AGO4: variants seen among roughly 807,000 people sequenced by gnomAD.
AGO4 encodes argonaute RISC component 4.
AGO4 carries 33 observed loss-of-function variants against 104.7 expected under a neutral mutation model. That is an observed-to-expected ratio of 0.32 (90% CI 0.24 to 0.42). The LOEUF (loss-of-function observed/expected upper bound fraction) is 0.42, where lower values mean the gene tolerates loss of function less well. AGO4 is among the 10% of genes least tolerant of loss of function. AGO4 has a pLI of 1.00. For missense variants in AGO4, 711 were observed against 1,083.4 expected, an observed-to-expected ratio of 0.66 and a Z score of 4.83; for synonymous variants, 331 against 364.7, an observed-to-expected ratio of 0.91 and a Z score of 1.05.
intron 2 of AGO4, among the ~76,000 whole-genome samples, chr1:35,821,887 A>G (rs575085708): frequency 1.1e-4 from 16 of 151,520 alleles, no homozygotes; most frequent in African/African-American, 3.6e-4. Flanking sequence ...ATATACTTGA[A>G]TAAGGATTTT....
At position 35,835,744 on chromosome 1, in the gene AGO4, A is replaced by G. The variant is rs1332637933; in HGVS notation, c.1565-90A>G. 6.2e-6 allele frequency: 7 copies of G among 1,129,608 alleles called. No individual in the cohort carries two copies. The East Asian group carries it at 7.7e-5, about 12-fold the overall frequency. The allele number at this position is 1,129,608 out of a possible 1,614,324, so 70.0% of individuals were successfully genotyped here. A position where few individuals can be genotyped will look rare whatever the true frequency, so the allele number is the denominator to read the frequency against. On this transcript the variant is annotated intron_variant, in intron 12 of 17. Transcript: ENST00000373210. ...CACAGTGTACAGTATATAGTAGGTT[A>G]TAAAGTTAATGTGTGGGGTTTTTTT... is the stretch of plus-strand genomic sequence containing the variant.
At chr1:35,850,381 A>C in intron 16 of AGO4, 123 bp downstream of exon 16, 1 of 803,448 alleles carries the variant, frequency 1.2e-6, no homozygotes, top group Non-Finnish European at 2.2e-6. Flanking sequence ...GTATCCTAGA[A>C]TTATCTTTTG....
chr1:35,815,330 T>C (rs1643656785), intron 1 of AGO4, among the ~76,000 whole-genome samples: 1 of 152,236 alleles, frequency 6.6e-6, no homozygotes, highest in Non-Finnish European at 1.5e-5. Flanking sequence ...GATGTTCATT[T>C]TTTAGGCCAG....
intron 17 of AGO4, among the ~76,000 whole-genome samples, chr1:35,853,267 A>AG (rs1459744024): frequency 6.6e-6 from 1 of 151,796 alleles, no homozygotes; most frequent in African/African-American, 2.4e-5. Context: ...AAAAAAAAAA[A>AG]AGAAATTCAG....
At chr1:35,813,526 G>A (rs1643577844) in intron 1 of AGO4, among the ~76,000 whole-genome samples, 1 of 152,094 alleles carries the variant, frequency 6.6e-6, no homozygotes, top group Non-Finnish European at 1.5e-5. Flanking sequence ...GGAGGCCTAG[G>A]TGGGCAGATT....
rs1643409018 is a variant in AGO4 at position 35,808,993 on chromosome 1, C to G, written c.19+558C>G. ...CACCCTTTCTGAAAGGCCCTGATGT[C>G]CCAAAGAACATGGTCCTGTGCCTCT... On this transcript the variant is annotated intron_variant, in intron 1 of 17. Coordinates refer to ENST00000373210, the MANE Select transcript of AGO4 (RefSeq NM_017629.4). This position sits in a 1 kb window ranked among gnomAD's most constrained non-coding sequence, Gnocchi z 5.2. Among the ~76,000 whole-genome samples, 1 of 152,188 alleles carries G rather than the reference C, an allele frequency of 6.6e-6. No homozygotes were observed. Among genetic ancestry groups the G allele is most frequent in the South Asian group, 2.1e-4 (1 of 4,834 alleles).
At chr1:35,825,846 C>G in intron 5 of AGO4, 31 bp downstream of exon 5, 4 of 1,593,104 alleles carry the variant, frequency 2.5e-6, no homozygotes, top group Non-Finnish European at 3.4e-6. Flanking sequence ...TCCAATAACT[C>G]TTTGGGCTGG....
Position 35,826,064 on chromosome 1 carries a change from A to T in AGO4, c.760+4A>T, listed in dbSNP as rs1327842997. Reference sequence around the variant, plus strand: ...AAATTTACCAAAGAAATCAGAGGTAAGTGTTTGCATTAATGTAGTCTTGGA... The same window carrying T: ...AAATTTACCAAAGAAATCAGAGGTATGTGTTTGCATTAATGTAGTCTTGGA... On this transcript the variant is annotated splice_donor_region_variant and intron_variant, in intron 6 of 17. Coordinates refer to ENST00000373210, the MANE Select transcript of AGO4 (RefSeq NM_017629.4). 2 of 1,613,862 alleles carry T rather than the reference A, an allele frequency of 1.2e-6. No individual in the cohort carries two copies.
At chr1:35,811,484 A>G (rs1300548794) in intron 1 of AGO4, among the ~76,000 whole-genome samples, 1 of 151,922 alleles carries the variant, frequency 6.6e-6, no homozygotes, top group Non-Finnish European at 1.5e-5. Flanking sequence ...AAAAAAAACA[A>G]AAACCAACCA....
intron 1 of AGO4, among the ~76,000 whole-genome samples, chr1:35,814,410 C>T (rs559537672): frequency 1.3e-5 from 2 of 151,682 alleles, no homozygotes; most frequent in South Asian, 4.2e-4. Flanking sequence ...CACCCATTAA[C>T]TCATCATTTA....
At position 35,809,927 on chromosome 1, in the gene AGO4, C is replaced by A. The variant is rs568875453; in HGVS notation, c.19+1492C>A. Among the ~76,000 whole-genome samples, 54 of 152,244 alleles carry A rather than the reference C, an allele frequency of 3.5e-4. No individual in the cohort carries two copies. In the Middle Eastern group the frequency reaches 0.01, roughly 29 times the overall value. On this transcript the variant is annotated intron_variant, in intron 1 of 17. Transcript: ENST00000373210. The stretch of plus-strand genomic sequence containing the variant: ...TAATTCATAATTGAAACAACTGTTG[C>A]ATTTATGATCTGATATCGAAAGAAA...
chr1:35,811,473 A>C (rs2148645941), intron 1 of AGO4, among the ~76,000 whole-genome samples: 1 of 151,696 alleles, frequency 6.6e-6, no homozygotes, highest in African/African-American at 2.4e-5. Context: ...AAAAAAACAA[A>C]AAAAAAAACA....
At chr1:35,829,246 T>C (rs1644116635) in intron 7 of AGO4, among the ~76,000 whole-genome samples, 1 of 151,994 alleles carries the variant, frequency 6.6e-6, no homozygotes, top group African/African-American at 2.4e-5. Flanking sequence ...TACATGAATT[T>C]CTTAAGAGTG....
intron 2 of AGO4, among the ~76,000 whole-genome samples, chr1:35,820,464 T>A (rs1643868504): frequency 6.6e-6 from 1 of 152,090 alleles, no homozygotes; most frequent in African/African-American, 2.4e-5. Flanking sequence ...TTCAACTGAT[T>A]CCCTTGCCTC....
chr1:35,812,375 A>G (rs1010644269), intron 1 of AGO4, among the ~76,000 whole-genome samples: 5 of 152,114 alleles, frequency 3.3e-5, no homozygotes, highest in Non-Finnish European at 5.9e-5. Context: ...TTTTCTTTCA[A>G]TTCTTCTGCC....
At chr1:35,815,551 T>G (rs1401106840) in intron 1 of AGO4, among the ~76,000 whole-genome samples, 1 of 152,198 alleles carries the variant, frequency 6.6e-6, no homozygotes, top group East Asian at 1.9e-4. Flanking sequence ...TTTAGATAAT[T>G]TAATATGATA....
rs533760857 is a variant in AGO4, at chr1:35,817,029, G to A, written c.167G>A (p.Arg56Gln). ...GATGTGGATATTAAGCCTGAAAAAC[G>A]GCCTCGTAGAGTCAACAGGTAAGGA... is the stretch of plus-strand genomic sequence containing the variant. ...HYDVDIKPEK[R>Q]PRRVNREVVD... Residue 56 changes from arginine to glutamine, a missense_variant, in exon 2 of 18, where the codon CGG becomes CAG. Arg to Gln is a conservative substitution (Grantham distance 43). Coordinates refer to ENST00000373210, the MANE Select transcript of AGO4 (RefSeq NM_017629.4). 1.1e-5 allele frequency: 18 copies of A among 1,607,758 alleles called. No homozygotes were observed. In the Admixed American group the frequency reaches 1.7e-4, roughly 15 times the overall value.
rs1192670805 is a variant in AGO4 at position 35,854,254 on chromosome 1, T to C, written c.*649T>C. On this transcript the variant is annotated 3_prime_UTR_variant, in exon 18 of 18. Coordinates refer to ENST00000373210, the MANE Select transcript of AGO4 (RefSeq NM_017629.4). ...CACTATATTTGGCTGCAGATTCAAATAGGCAGTTCTCTTATTTGGTCGACT... is the reference window on the plus strand; with the variant it reads ...CACTATATTTGGCTGCAGATTCAAACAGGCAGTTCTCTTATTTGGTCGACT... The C allele has an allele frequency of 6.6e-6, 1 of 152,666 alleles. No individual in the cohort carries two copies. The highest frequency in any genetic ancestry group is 2.4e-5 in the African/African-American group (1 of 41,460). 9.5% of individuals were successfully genotyped at this position (152,666 alleles called of 1,614,324 possible). A position where few individuals can be genotyped will look rare whatever the true frequency, so the allele number is the denominator to read the frequency against.
intron 15 of AGO4, among the ~76,000 whole-genome samples, chr1:35,843,060 T>C (rs1295872443): frequency 6.6e-6 from 1 of 152,122 alleles, no homozygotes; most frequent in Admixed American, 6.6e-5. Context: ...GAGGATGAAC[T>C]GTTTCTTTTT....
Sources: allele counts gnomAD v4.1 joint callset (sites outside exome capture counted in the v4.1 genomes callset), GRCh38; gene constraint gnomAD v4.1.1; non-coding constraint Gnocchi (gnomAD v3.1); transcripts MANE v1.5; gene names NCBI Gene and HGNC (gene_info 2026-07-23, HGNC 2026-07-21).